SNX29: variants seen among roughly 807,000 people sequenced by gnomAD.
SNX29 encodes sorting nexin 29, also known as sorting nexin-29.
Under a neutral mutation model 102.1 loss-of-function variants are expected in SNX29, and 78 were observed. That is an observed-to-expected ratio of 0.76 (90% CI 0.64 to 0.92). The LOEUF is 0.92. SNX29 is among the 40% of genes least tolerant of loss of function. SNX29 has a pLI of 0.00. For synonymous variants in SNX29, 580 were observed against 414.5 expected (o/e 1.40, Z -4.85); for missense variants, 1,280 against 1,061.7 (o/e 1.21, Z -2.86).
intron 13 of SNX29, among the ~76,000 whole-genome samples, chr16:12,133,008 C>A (rs933848770): frequency 1.3e-5 from 2 of 152,244 alleles, no homozygotes; most frequent in Non-Finnish European, 2.9e-5. Flanking sequence ...GCAGTTGTTG[C>A]CTGGGGGTGG....
intron 4 of SNX29, among the ~76,000 whole-genome samples, chr16:12,028,834 C>T (rs1056936538): frequency 7.9e-5 from 12 of 152,050 alleles, no homozygotes; most frequent in Non-Finnish European, 1.2e-4. Context: ...ATGCAACCTC[C>T]GCTTCCTGGG....
At chr16:12,236,960 T>C (rs752141433) in intron 14 of SNX29, among the ~76,000 whole-genome samples, 4 of 152,202 alleles carry the variant, frequency 2.6e-5, no homozygotes, top group Non-Finnish European at 4.4e-5. Context: ...GTAAAGGCAC[T>C]GGGCAGCATG....
rs187818136 is a variant in SNX29 at position 12,125,172 on chromosome 16, A to G, written c.1403-1461A>G. On this transcript the variant is annotated intron_variant, in intron 11 of 20. Transcript: ENST00000566228. ...TTTACTGCCCAAAAAGAGTCACAAA[A>G]CAGCCAATGAGGCAGCGAAAGTGAA... is the stretch of plus-strand genomic sequence containing the variant. Among the ~76,000 whole-genome samples, 750 of 152,244 alleles carry G rather than the reference A, an allele frequency of 4.9e-3. 5 individuals carry two copies. The highest frequency in any genetic ancestry group is 0.017 in the African/African-American group (708 of 41,536).
chr16:11,976,952 G>C (rs2150952786), intron 1 of SNX29, 139 bp downstream of exon 1: 1 of 1,138,204 alleles, frequency 8.8e-7, no homozygotes, highest in African/African-American at 1.6e-5. Flanking sequence ...CCAGACCCCT[G>C]GCCCCCAGGA....
intron 20 of SNX29, chr16:12,526,899 C>T (rs1466913059): frequency 7.6e-6 from 3 of 393,452 alleles, no homozygotes; most frequent in Non-Finnish European, 1.4e-5. Context: ...TGAATCTCAG[C>T]CATGCTGGTT....
At chr16:12,413,492 A>T (rs2084490841) in intron 18 of SNX29, among the ~76,000 whole-genome samples, 1 of 152,052 alleles carries the variant, frequency 6.6e-6, no homozygotes, top group Non-Finnish European at 1.5e-5. Context: ...GAAGGGAGCC[A>T]GGTGAGGTGG....
At chr16:12,248,848 C>T (rs145203607) in intron 14 of SNX29, among the ~76,000 whole-genome samples, 1 of 152,132 alleles carries the variant, frequency 6.6e-6, no homozygotes, top group African/African-American at 2.4e-5. Context: ...GTCTGTCTGA[C>T]TCCCCCAGTA....
chr16:12,552,202 G>A (rs2078021809), intron 20 of SNX29, among the ~76,000 whole-genome samples: 1 of 152,162 alleles, frequency 6.6e-6, no homozygotes, highest in Admixed American at 6.6e-5. Flanking sequence ...GATAAGGCAG[G>A]GGAGGGCCGT....
intron 14 of SNX29, among the ~76,000 whole-genome samples, chr16:12,223,656 A>G (rs900883180): frequency 5.3e-5 from 8 of 152,184 alleles, no homozygotes; most frequent in African/African-American, 1.9e-4. Context: ...AAGAGAAGAA[A>G]AAAAATTCAG....
intron 20 of SNX29, chr16:12,545,638 C>T (rs991939477): frequency 6.6e-6 from 1 of 152,226 alleles, no homozygotes; most frequent in African/African-American, 2.4e-5. Context: ...TTCTTCTGTT[C>T]TGAGTCTACA....
intron 18 of SNX29, among the ~76,000 whole-genome samples, chr16:12,444,244 A>G (rs1485046580): frequency 1.3e-5 from 2 of 151,416 alleles, no homozygotes; most frequent in East Asian, 1.9e-4. Context: ...AGCACTCAAT[A>G]TAGCACCGAG....
chr16:12,354,385 G>C (rs1019259991), intron 15 of SNX29, among the ~76,000 whole-genome samples: 1 of 152,208 alleles, frequency 6.6e-6, no homozygotes, highest in South Asian at 2.1e-4. Flanking sequence ...ATGTGGTCAA[G>C]TTCTGCTCTT....
At chr16:12,127,620 A>T (rs1478974276) in intron 12 of SNX29, among the ~76,000 whole-genome samples, 3 of 151,952 alleles carry the variant, frequency 2.0e-5, no homozygotes, top group Non-Finnish European at 4.4e-5. Flanking sequence ...TGGGGTTTTG[A>T]CAGGTTGCCT....
intron 4 of SNX29, among the ~76,000 whole-genome samples, chr16:12,028,380 T>C (rs537630429): frequency 1.9e-4 from 29 of 152,296 alleles, no homozygotes; most frequent in Non-Finnish European, 3.5e-4. Flanking sequence ...ATTTATTTTT[T>C]AGAGTTGGGG....
intron 11 of SNX29, among the ~76,000 whole-genome samples, chr16:12,101,084 C>A (rs1342401400): frequency 2.6e-5 from 4 of 152,156 alleles, no homozygotes; most frequent in Non-Finnish European, 4.4e-5. Context: ...GCTGTTACTT[C>A]ATTGGAGGGA....
chr16:12,557,870 G>A (rs968966222), intron 20 of SNX29, among the ~76,000 whole-genome samples: 3 of 152,192 alleles, frequency 2.0e-5, no homozygotes. Context: ...ATTCCAGCGA[G>A]TGGAGGAGGG....
At chr16:12,492,626 A>C (rs1340690116) in intron 19 of SNX29, among the ~76,000 whole-genome samples, 1 of 152,202 alleles carries the variant, frequency 6.6e-6, no homozygotes, top group Non-Finnish European at 1.5e-5. Flanking sequence ...CCTGAATGGT[A>C]ATGGCTAGGT....
chr16:12,499,087 G>A (rs1030781810), intron 19 of SNX29, among the ~76,000 whole-genome samples: 6 of 152,006 alleles, frequency 3.9e-5, no homozygotes, highest in African/African-American at 9.7e-5. Context: ...TTCCCCTTAT[G>A]CCCTCCGCTC....
chr16:12,496,417 G>GGC (rs2088826278), intron 19 of SNX29, among the ~76,000 whole-genome samples: 1 of 151,772 alleles, frequency 6.6e-6, no homozygotes, highest in African/African-American at 2.4e-5. Flanking sequence ...ACCATTGTGA[G>GGC]GCACTCAATG....
Sources: allele counts gnomAD v4.1 joint callset (sites outside exome capture counted in the v4.1 genomes callset), GRCh38; gene constraint gnomAD v4.1.1; transcripts MANE v1.5; gene names NCBI Gene and HGNC (gene_info 2026-07-23, HGNC 2026-07-21).